STX16: variants seen among roughly 807,000 people sequenced by gnomAD.
The protein encoded by STX16 is syntaxin 16, also known as syntaxin-16.
In STX16, 28 loss-of-function variants were observed where a neutral mutation model predicts 42.7. The ratio of observed to expected loss-of-function variants is 0.66; its 90% CI spans 0.49 to 0.90. The LOEUF (loss-of-function observed/expected upper bound fraction) is 0.90, where lower values mean the gene tolerates loss of function less well. Among genes scored for constraint, STX16 ranks in the 40% least tolerant of loss-of-function variants. The pLI, the probability that STX16 is intolerant of heterozygous loss-of-function variation, is 0.00. For missense variants in STX16, 361 were observed against 420.9 expected, an observed-to-expected ratio of 0.86 and a Z score of 1.24; for synonymous variants, 156 against 155.2, an observed-to-expected ratio of 1.00 and a Z score of -0.04.
chr20:58,659,223 C>T (rs912842341), intron 1 of STX16, among the ~76,000 whole-genome samples: 3 of 152,050 alleles, frequency 2.0e-5, no homozygotes, highest in African/African-American at 7.2e-5. Flanking sequence ...TAGCTCTGCT[C>T]TCTTATTTTA....
At chr20:58,675,268 C>A (rs1443336427) in intron 8 of STX16, among the ~76,000 whole-genome samples, 1 of 152,202 alleles carries the variant, frequency 6.6e-6, no homozygotes, top group African/African-American at 2.4e-5. Context: ...GGGGATGGAG[C>A]AGGAGAGATT....
At position 58,667,574 on chromosome 20, in the gene STX16, A is replaced by G; in HGVS notation, c.229A>G (p.Lys77Glu). Residue 77 changes from lysine (K) to glutamate (E), a missense_variant, in exon 3 of 9, where the codon AAG (lysine) becomes GAG (glutamate). Lys to Glu is a moderately conservative substitution (Grantham distance 56, BLOSUM62 1). Transcript: ENST00000371141. ...AIGVTKRPPP[K>E]WVDGVDEIQY... ...TGGTGTGACAAAACGGCCACCTCCT[A>G]AGTGGGTGGATGGAGTGGATGAAGT... The G allele has an allele frequency of 6.2e-7, 1 of 1,614,122 alleles. No homozygotes were observed. Among genetic ancestry groups the G allele is most frequent in the Non-Finnish European group, 8.5e-7 (1 of 1,180,004 alleles).
chr20:58,651,932 C>A lies in STX16; in HGVS notation c.-75C>A, dbSNP rs560227312. 1.3e-6 allele frequency: 2 copies of A among 1,521,598 alleles called. No homozygotes were observed. Among genetic ancestry groups the A allele is most frequent in the Non-Finnish European group, 1.8e-6 (2 of 1,106,024 alleles). The allele number at this position is 1,521,598 out of a possible 1,614,324, so 94.3% of individuals were successfully genotyped here. A position where few individuals can be genotyped will look rare whatever the true frequency, so the allele number is the denominator to read the frequency against. ...GTGAAAGGGTGGGCCAGCCGGGCCA[C>A]GAGAAAGAAAGTGAATAAATCAGGA... On this transcript the variant is annotated 5_prime_UTR_variant, in exon 1 of 9. Coordinates refer to ENST00000371141, the MANE Select transcript of STX16 (RefSeq NM_001001433.3).
chr20:58,677,787 G>A lies in STX16; in HGVS notation c.*1496G>A, dbSNP rs910806284. On this transcript the variant is annotated 3_prime_UTR_variant, in exon 9 of 9. Transcript: ENST00000371141. Reference sequence around the variant, plus strand: ...TTTAAACTCAATTCCAGAGATTGAAGTTGTCCAAACAGCTCATGGGCTTAG... The same window carrying A: ...TTTAAACTCAATTCCAGAGATTGAAATTGTCCAAACAGCTCATGGGCTTAG... 4 of 152,192 alleles carry A rather than the reference G, an allele frequency of 2.6e-5. No homozygotes were observed. The highest frequency in any genetic ancestry group is 5.9e-5 in the Non-Finnish European group (4 of 68,032). 9.4% of individuals were successfully genotyped at this position (152,192 alleles called of 1,614,324 possible).
rs908418591 is a variant in STX16 at position 58,677,400 on chromosome 20, C to T, written c.*1109C>T. On this transcript the variant is annotated 3_prime_UTR_variant, in exon 9 of 9. Coordinates refer to ENST00000371141, the MANE Select transcript of STX16 (RefSeq NM_001001433.3). ...AATGCCCAGGAAGCAGGCACATTGC[C>T]AAGGACTGGGGGCATCTTGACTAGG... 1.3e-5 allele frequency: 2 copies of T among 152,638 alleles called. No homozygotes were observed. The highest frequency in any genetic ancestry group is 2.9e-5 in the Non-Finnish European group (2 of 68,044). The allele number at this position is 152,638 out of a possible 1,614,324, so 9.5% of individuals were successfully genotyped here. A position where few individuals can be genotyped will look rare whatever the true frequency, so the allele number is the denominator to read the frequency against.
chr20:58,652,180 A>C (rs1324094009), intron 1 of STX16, 42 bp downstream of exon 1: 1 of 1,610,516 alleles, frequency 6.2e-7, no homozygotes, highest in Non-Finnish European at 8.5e-7. Flanking sequence ...GACCGTGTGC[A>C]CTGCGGCTCT....
Position 58,677,386 on chromosome 20 carries a change from A to G in STX16, c.*1095A>G, listed in dbSNP as rs2123035927. ...CATTGCCACTGAGCAATGCCCAGGA[A>G]GCAGGCACATTGCCAAGGACTGGGG... is the stretch of plus-strand genomic sequence containing the variant. On this transcript the variant is annotated 3_prime_UTR_variant, in exon 9 of 9. Transcript: ENST00000371141. 1 of 152,764 alleles carries G rather than the reference A, an allele frequency of 6.5e-6. No individual in the cohort carries two copies. The highest frequency in any genetic ancestry group is 1.5e-5 in the Non-Finnish European group (1 of 68,022). The allele number at this position is 152,764 out of a possible 1,614,324, so 9.5% of individuals were successfully genotyped here.
intron 8 of STX16, among the ~76,000 whole-genome samples, chr20:58,675,388 C>G (rs1315414339): frequency 6.6e-6 from 1 of 152,246 alleles, no homozygotes; most frequent in African/African-American, 2.4e-5. Context: ...CCGGCGCCCT[C>G]TGAACTCTGC....
chr20:58,662,989 A>C (rs1487932223), intron 2 of STX16, among the ~76,000 whole-genome samples: 1 of 152,194 alleles, frequency 6.6e-6, no homozygotes, highest in Non-Finnish European at 1.5e-5. Flanking sequence ...CGGATTTCTT[A>C]AGCCTAATTG....
At chr20:58,663,073 G>A (rs760990510) in intron 2 of STX16, among the ~76,000 whole-genome samples, 1 of 152,198 alleles carries the variant, frequency 6.6e-6, no homozygotes, top group Non-Finnish European at 1.5e-5. Context: ...TTGCCAGTCT[G>A]TTGATTTTCA....
intron 1 of STX16, among the ~76,000 whole-genome samples, chr20:58,658,919 A>G (rs2083637412): frequency 6.6e-6 from 1 of 152,174 alleles, no homozygotes; most frequent in Admixed American, 6.5e-5. Context: ...GAATAACTGT[A>G]TGCTTTCTAG....
chr20:58,654,177 G>A (rs2083537418), intron 1 of STX16, among the ~76,000 whole-genome samples: 1 of 152,074 alleles, frequency 6.6e-6, no homozygotes, highest in Admixed American at 6.5e-5. Flanking sequence ...CATTGAAAAT[G>A]TTAATATTTA....
chr20:58,653,780 G>A (rs1188799360), intron 1 of STX16, among the ~76,000 whole-genome samples: 1 of 151,266 alleles, frequency 6.6e-6, no homozygotes, highest in East Asian at 1.9e-4. Context: ...AGTTTTAATT[G>A]AAAAACATAT....
intron 5 of STX16, among the ~76,000 whole-genome samples, chr20:58,670,068 C>T (rs2083933027): frequency 6.6e-6 from 1 of 152,222 alleles, no homozygotes; most frequent in African/African-American, 2.4e-5. Flanking sequence ...ACCTAGTTCT[C>T]CCTCCCTCTG....
intron 2 of STX16, 80 bp downstream of exon 2, chr20:58,659,714 A>G: frequency 6.8e-7 from 1 of 1,479,404 alleles, no homozygotes; most frequent in Non-Finnish European, 9.4e-7. Context: ...CTTTGCTCAT[A>G]TATAAAATGC....
At chr20:58,670,706 A>G in intron 6 of STX16, 103 bp downstream of exon 6, 1 of 934,758 alleles carries the variant, frequency 1.1e-6, no homozygotes, top group Non-Finnish European at 1.7e-6. Flanking sequence ...GTGGATTGAT[A>G]CAGTTGACTT....
rs1382920506 is a variant in STX16 at position 58,657,070 on chromosome 20, C to T, written c.133-2553C>T. Among the ~76,000 whole-genome samples, 2 of 152,216 alleles carry T rather than the reference C, an allele frequency of 1.3e-5. No individual in the cohort carries two copies. The highest frequency in any genetic ancestry group is 3.8e-4 in the East Asian group (2 of 5,200). ...GCCACTCTGGTGTTGGCTGCATTTT[C>T]AGAACTTGTGCTGCAGATCCTGGAA... On this transcript the variant is annotated intron_variant, in intron 1 of 8. Coordinates refer to ENST00000371141, the MANE Select transcript of STX16 (RefSeq NM_001001433.3). The surrounding 1 kb of genome is among the most constrained non-coding windows in gnomAD (Gnocchi z 4.2).
intron 7 of STX16, among the ~76,000 whole-genome samples, chr20:58,673,173 C>T (rs940521897): frequency 3.3e-5 from 5 of 152,122 alleles, no homozygotes; most frequent in African/African-American, 4.8e-5. Context: ...TGTGGATCCA[C>T]GTTTATAGAC....
Position 58,657,685 on chromosome 20 carries a change from C to A in STX16, c.133-1938C>A, listed in dbSNP as rs917039967. Among the ~76,000 whole-genome samples the A allele has an allele frequency of 1.3e-5, 2 of 152,138 alleles. No individual in the cohort carries two copies. Among genetic ancestry groups the A allele is most frequent in the African/African-American group, 4.8e-5 (2 of 41,424 alleles). On this transcript the variant is annotated intron_variant, in intron 1 of 8. Coordinates refer to ENST00000371141, the MANE Select transcript of STX16 (RefSeq NM_001001433.3). This position sits in a 1 kb window ranked among gnomAD's most constrained non-coding sequence, Gnocchi z 4.2. ...TGTTTTCATTTGGCTTTATTTTGGT[C>A]TTTCTTGATGGTAATTCTAAATGTT...
Sources: gnomAD v4.1 joint callset for allele counts (sites outside exome capture counted in the v4.1 genomes callset) on GRCh38, gnomAD v4.1.1 for gene constraint, Gnocchi (gnomAD v3.1) non-coding constraint, MANE v1.5 for transcripts, NCBI Gene and HGNC (gene_info 2026-07-23, HGNC 2026-07-21) for gene names.